Variants in HSPB1 observed in about 807,000 individuals in gnomAD.
HSPB1 encodes heat shock protein family B (small) member 1, also known as heat shock protein beta-1.
HSPB1 carries 19 observed loss-of-function variants against 17.0 expected under a neutral mutation model. That is an observed-to-expected ratio of 1.12 (90% CI 0.78 to 1.64). HSPB1 has a LOEUF of 1.64. Among genes scored for constraint, HSPB1 ranks in the 40% most tolerant of loss-of-function variants. HSPB1 has a pLI of 0.00. For synonymous variants in HSPB1, 165 were observed against 129.8 expected, an observed-to-expected ratio of 1.27 and a Z score of -1.84; for missense variants, 348 against 289.2, an observed-to-expected ratio of 1.20 and a Z score of -1.47.
chr7:76,303,498 C>A, intron 1 of HSPB1: 1 of 550,698 alleles, frequency 1.8e-6, no homozygotes. Context: ...GCGGGGAGTT[C>A]CCTGGCGCGG....
In HSPB1 at chr7:76,302,716, A is replaced by C. The variant is rs781237351; in HGVS notation, c.4A>C (p.Thr2Pro). 1 of 1,601,728 alleles carries C rather than the reference A, an allele frequency of 6.2e-7. No individual in the cohort carries two copies. Among genetic ancestry groups the C allele is most frequent in the South Asian group, 1.1e-5 (1 of 91,010 alleles). M[T>P]ERRVPFSLLR... The stretch of plus-strand genomic sequence containing the variant: ...GTCCAGAGCAGAGTCAGCCAGCATG[A>C]CCGAGCGCCGCGTCCCCTTCTCGCT... The change falls in exon 1 of 3, where the codon ACC (threonine) becomes CCC (proline). Residue 2 changes from threonine to proline, a missense_variant. Coordinates refer to ENST00000248553, the MANE Select transcript of HSPB1 (RefSeq NM_001540.5).
At chr7:76,303,337 G>C in intron 1 of HSPB1, 1 of 527,876 alleles carries the variant, frequency 1.9e-6, no homozygotes, top group East Asian at 3.2e-5. Context: ...AGACTAGCCT[G>C]GGCAACATAG....
rs775280547 is a variant in HSPB1, at chr7:76,303,886, G to A, written c.428+21G>A. 3 of 1,604,160 alleles carry A rather than the reference G, an allele frequency of 1.9e-6. No homozygotes were observed. In the East Asian group the frequency reaches 6.7e-5, roughly 36 times the overall value. On this transcript the variant is annotated intron_variant, in intron 2 of 2. Transcript: ENST00000248553. ...TACACGTGAGTCCTGGCGCCAGGTC[G>A]GGGTGGGTGGGTGGCGTGGGGGTGG... is the stretch of plus-strand genomic sequence containing the variant.
intron 1 of HSPB1, 98 bp from the exon 2 acceptor site, chr7:76,303,704 G>T (rs925224431): frequency 9.9e-7 from 1 of 1,007,824 alleles, no homozygotes. Context: ...CCAGCCTGCA[G>T]TCCTGGCTGC....
chr7:76,304,260 T>TCAAATAAA lies in HSPB1; in HGVS notation c.*87_*88insCAAATAAA. ...GTGTTCTTTTGATACATTTATCTTC[T>TCAAATAAA]GTTTTTCTCAAATAAAGTTCAAAGC... On this transcript the variant is annotated 3_prime_UTR_variant, in exon 3 of 3. Coordinates refer to ENST00000248553, the MANE Select transcript of HSPB1 (RefSeq NM_001540.5). 7.6e-7 allele frequency: 1 copy of TCAAATAAA among 1,322,090 alleles called. No individual in the cohort carries two copies. Among genetic ancestry groups the TCAAATAAA allele is most frequent in the Non-Finnish European group, 1.1e-6 (1 of 937,730 alleles). 81.9% of individuals were successfully genotyped at this position (1,322,090 alleles called of 1,614,324 possible). A position where few individuals can be genotyped will look rare whatever the true frequency, so the allele number is the denominator to read the frequency against.
rs1475377516 is a variant in HSPB1 at position 76,303,010 on chromosome 7, G to A, written c.298G>A (p.Asp100Asn). 6.5e-7 allele frequency: 1 copy of A among 1,543,654 alleles called. No individual in the cohort carries two copies. Among genetic ancestry groups the A allele is most frequent in the South Asian group, 1.2e-5 (1 of 85,036 alleles). ...HTADRWRVSLDVNHFAPDELT... is the reference protein window; with the variant it reads ...HTADRWRVSLNVNHFAPDELT... ...TGCGGACCGCTGGCGCGTGTCCCTG[G>A]ATGTCAACCACTTCGCCCCGGACGA... Residue 100 changes from aspartate (D) to asparagine (N), a missense_variant, in exon 1 of 3, where the codon GAT becomes AAT. Physicochemically the swap from Asp to Asn is conservative, Grantham distance 23 (BLOSUM62 1). Transcript: ENST00000248553.
At position 76,303,154 on chromosome 7, in the gene HSPB1, G is replaced by A. The variant is rs766360666; in HGVS notation, c.364+78G>A. The A allele has an allele frequency of 1.2e-5, 17 of 1,463,642 alleles. No individual in the cohort carries two copies. The South Asian group carries it at 2.2e-4, about 19-fold the overall frequency. 90.7% of individuals were successfully genotyped at this position (1,463,642 alleles called of 1,614,324 possible). A position where few individuals can be genotyped will look rare whatever the true frequency, so the allele number is the denominator to read the frequency against. On this transcript the variant is annotated intron_variant, in intron 1 of 2. Transcript: ENST00000248553. ...GGCCGGGGGCGTGCGGTTGAAACGGGGGTCCCGGGGGCCTGGGGAGTTAAA... is the reference window on the plus strand; with the variant it reads ...GGCCGGGGGCGTGCGGTTGAAACGGAGGTCCCGGGGGCCTGGGGAGTTAAA...
Position 76,304,228 on chromosome 7 carries a change from C to T in HSPB1, c.*55C>T. 2 of 1,470,044 alleles carry T rather than the reference C, an allele frequency of 1.4e-6. No individual in the cohort carries two copies. Among genetic ancestry groups the T allele is most frequent in the Admixed American group, 3.7e-5 (2 of 54,142 alleles). The allele number at this position is 1,470,044 out of a possible 1,614,324, so 91.1% of individuals were successfully genotyped here. On this transcript the variant is annotated 3_prime_UTR_variant, in exon 3 of 3. Coordinates refer to ENST00000248553, the MANE Select transcript of HSPB1 (RefSeq NM_001540.5). Reference sequence around the variant, plus strand: ...CCGCCACTGGCTGTGCCTCCCCCGCCACCTGTGTGTTCTTTTGATACATTT... The same window carrying T: ...CCGCCACTGGCTGTGCCTCCCCCGCTACCTGTGTGTTCTTTTGATACATTT...
In HSPB1 at chr7:76,303,046, A is replaced by C; in HGVS notation, c.334A>C (p.Lys112Gln). 1 of 1,539,564 alleles carries C rather than the reference A, an allele frequency of 6.5e-7. No homozygotes were observed. The change falls in exon 1 of 3, where the codon AAG (lysine) becomes CAG (glutamine). Residue 112 changes from lysine (K) to glutamine (Q), a missense_variant. Transcript: ENST00000248553. Reference protein sequence around the residue: ...NHFAPDELTVKTKDGVVEITG... With the variant: ...NHFAPDELTVQTKDGVVEITG... ...CTTCGCCCCGGACGAGCTGACGGTCAAGACCAAGGATGGCGTGGTGGAGAT... is the reference window on the plus strand; with the variant it reads ...CTTCGCCCCGGACGAGCTGACGGTCCAGACCAAGGATGGCGTGGTGGAGAT...
At position 76,304,197 on chromosome 7, in the gene HSPB1, C is replaced by T; in HGVS notation, c.*24C>T. ...AAAGCCTTAGCCCGGATGCCCACCCCTGCTGCCGCCACTGGCTGTGCCTCC... is the reference window on the plus strand; with the variant it reads ...AAAGCCTTAGCCCGGATGCCCACCCTTGCTGCCGCCACTGGCTGTGCCTCC... On this transcript the variant is annotated 3_prime_UTR_variant, in exon 3 of 3. Transcript: ENST00000248553. 3.1e-6 allele frequency: 5 copies of T among 1,594,746 alleles called. No homozygotes were observed. The highest frequency in any genetic ancestry group is 4.3e-6 in the Non-Finnish European group (5 of 1,170,028).
At position 76,303,789 on chromosome 7, in the gene HSPB1, C is replaced by T. The variant is rs767168094; in HGVS notation, c.365-13C>T. The T allele has an allele frequency of 5.0e-6, 8 of 1,609,974 alleles. No individual in the cohort carries two copies. Among genetic ancestry groups the T allele is most frequent in the Admixed American group, 1.7e-5 (1 of 59,938 alleles). The stretch of plus-strand genomic sequence containing the variant: ...CCCTCCCCCGCAGTCTGATTTCCCT[C>T]TTCCCCCCAAAGGCAAGCACGAGGA... On this transcript the variant is annotated splice_polypyrimidine_tract_variant and intron_variant, in intron 1 of 2. Transcript: ENST00000248553.
chr7:76,303,736 TCTGGC>T (rs1046581189), intron 1 of HSPB1, 61 bp from the exon 2 acceptor site: 1 of 1,466,024 alleles, frequency 6.8e-7, no homozygotes, highest in African/African-American at 1.4e-5. Context: ...AGGTGGGGCC[TCTGGC>T]CTAGCGGGGC....
At position 76,303,126 on chromosome 7, in the gene HSPB1, C is replaced by T. The variant is rs1435425377; in HGVS notation, c.364+50C>T. On this transcript the variant is annotated intron_variant, in intron 1 of 2. Coordinates refer to ENST00000248553, the MANE Select transcript of HSPB1 (RefSeq NM_001540.5). ...GAGAGGAGGAGGCTAGCAGGGCGGG[C>T]AGGGCCGGGGGCGTGCGGTTGAAAC... is the stretch of plus-strand genomic sequence containing the variant. The T allele has an allele frequency of 3.3e-6, 5 of 1,494,898 alleles. No homozygotes were observed. In the African/African-American group the frequency reaches 4.2e-5, roughly 12 times the overall value. 92.6% of individuals were successfully genotyped at this position (1,494,898 alleles called of 1,614,324 possible). A position where few individuals can be genotyped will look rare whatever the true frequency, so the allele number is the denominator to read the frequency against.
Position 76,302,814 on chromosome 7 carries a change from G to A in HSPB1, c.102G>A (p.Gly34=), listed in dbSNP as rs11547166. 1.2e-6 allele frequency: 2 copies of A among 1,606,716 alleles called. No individual in the cohort carries two copies. The highest frequency in any genetic ancestry group is 2.2e-5 in the East Asian group (1 of 44,780). Residue 34 remains glycine (G), a synonymous_variant, in exon 1 of 3, where the codon GGG becomes GGA. Transcript: ENST00000248553. ...PHSRLFDQAF[G]LPRLPEEWSQ... ...GCCGCCTCTTCGACCAGGCCTTCGG[G>A]CTGCCCCGGCTGCCGGAGGAGTGGT... is the stretch of plus-strand genomic sequence containing the variant.
rs941650165 is a variant in HSPB1 at position 76,303,155 on chromosome 7, G to A, written c.364+79G>A. 4.1e-6 allele frequency: 6 copies of A among 1,464,622 alleles called. No homozygotes were observed. In the African/African-American group the frequency reaches 7.1e-5, roughly 17 times the overall value. The allele number at this position is 1,464,622 out of a possible 1,614,324, so 90.7% of individuals were successfully genotyped here. On this transcript the variant is annotated intron_variant, in intron 1 of 2. Transcript: ENST00000248553. The stretch of plus-strand genomic sequence containing the variant: ...GCCGGGGGCGTGCGGTTGAAACGGG[G>A]GTCCCGGGGGCCTGGGGAGTTAAAC...
chr7:76,304,278 T>A lies in HSPB1; in HGVS notation c.*105T>A. ...TATCTTCTGTTTTTCTCAAATAAAG[T>A]TCAAAGCAACCACCTGTCACTGGCC... On this transcript the variant is annotated 3_prime_UTR_variant, in exon 3 of 3. Coordinates refer to ENST00000248553, the MANE Select transcript of HSPB1 (RefSeq NM_001540.5). 8.1e-7 allele frequency: 1 copy of A among 1,227,156 alleles called. No individual in the cohort carries two copies. Among genetic ancestry groups the A allele is most frequent in the Non-Finnish European group, 1.2e-6 (1 of 852,768 alleles). 76.0% of individuals were successfully genotyped at this position (1,227,156 alleles called of 1,614,324 possible).
At chr7:76,303,114 T>C (rs1803033964) in intron 1 of HSPB1, 38 bp downstream of exon 1, 1 of 1,497,826 alleles carries the variant, frequency 6.7e-7, no homozygotes, top group South Asian at 1.3e-5. Context: ...AGGAGGAGGC[T>C]AGCAGGGCGG....
In HSPB1 at chr7:76,304,221, C is replaced by G; in HGVS notation, c.*48C>G. ...CCTGCTGCCGCCACTGGCTGTGCCT[C>G]CCCCGCCACCTGTGTGTTCTTTTGA... On this transcript the variant is annotated 3_prime_UTR_variant, in exon 3 of 3. Transcript: ENST00000248553. 1.3e-6 allele frequency: 2 copies of G among 1,500,972 alleles called. No individual in the cohort carries two copies. The highest frequency in any genetic ancestry group is 1.8e-6 in the Non-Finnish European group (2 of 1,089,676). 93.0% of individuals were successfully genotyped at this position (1,500,972 alleles called of 1,614,324 possible).
intron 1 of HSPB1, chr7:76,303,384 C>CCA (rs1803040797): frequency 2.2e-6 from 1 of 460,568 alleles, no homozygotes; most frequent in African/African-American, 2.1e-5. Context: ...CGCGCCATTA[C>CCA]AAAAAAAAAG....
Sources: gnomAD v4.1 joint callset for allele counts on GRCh38, gnomAD v4.1.1 for gene constraint, MANE v1.5 for transcripts, NCBI Gene and HGNC (gene_info 2026-07-23, HGNC 2026-07-21) for gene names.